The following DOCK6 variants were observed in gnomAD, a reference collection of about 807,000 sequenced individuals.
DOCK6 encodes dedicator of cytokinesis 6.
In DOCK6, 167 loss-of-function variants were observed where a neutral mutation model predicts 230.3. The observed-to-expected ratio is 0.73, with a 90% CI of 0.64 to 0.82. The LOEUF (loss-of-function observed/expected upper bound fraction) is 0.82, where lower values mean the gene tolerates loss of function less well. Ranked by LOEUF, DOCK6 falls within the 40% of genes least tolerant of loss-of-function variation. The pLI, the probability that DOCK6 is intolerant of heterozygous loss-of-function variation, is 0.00. For missense variants in DOCK6, 2,598 were observed against 2,825.8 expected (o/e 0.92, Z 1.83); for synonymous variants, 1,148 against 1,185.0 (o/e 0.97, Z 0.64).
intron 4 of DOCK6, 100 bp downstream of exon 4, chr19:11,252,382 T>C (rs1455735671): frequency 3.8e-6 from 6 of 1,584,480 alleles, no homozygotes; most frequent in Non-Finnish European, 4.3e-6. Flanking sequence ...TGCCTGCTCT[T>C]GCAGGGACAA....
intron 22 of DOCK6, among the ~76,000 whole-genome samples, chr19:11,230,056 A>AG: frequency 6.6e-6 from 1 of 151,118 alleles, no homozygotes; most frequent in East Asian, 2.0e-4. Context: ...AAAAAAAAAA[A>AG]AAAAAAAAAG....
chr19:11,229,422 T>G, intron 22 of DOCK6: 1 of 1,017,998 alleles, frequency 9.8e-7, no homozygotes, highest in Non-Finnish European at 1.2e-6. Flanking sequence ...AGGAGAAGGT[T>G]AGTGTGGATG....
chr19:11,206,711 A>G (rs1423857811), intron 39 of DOCK6, among the ~76,000 whole-genome samples: 1 of 152,180 alleles, frequency 6.6e-6, no homozygotes, highest in East Asian at 1.9e-4. Flanking sequence ...GAGTGCAATG[A>G]AATAAAGGAT....
Position 11,228,988 on chromosome 19 carries a change from G to C in DOCK6, c.2766C>G (p.Ala922=). The C allele has an allele frequency of 6.2e-7, 1 of 1,613,740 alleles. No homozygotes were observed. Among genetic ancestry groups the C allele is most frequent in the Non-Finnish European group, 8.5e-7 (1 of 1,179,836 alleles). The change falls in exon 23 of 48, where the codon GCC becomes GCG. Residue 922 remains alanine, a synonymous_variant. Coordinates refer to ENST00000294618, the MANE Select transcript of DOCK6 (RefSeq NM_020812.4). ...CGTGCTGGAGGATGGCCTCGCGTACGGCACTGCTGCTGACCACCCACTGCA... is the reference window on the plus strand; with the variant it reads ...CGTGCTGGAGGATGGCCTCGCGTACCGCACTGCTGCTGACCACCCACTGCA... ...LALQWVVSSS[A]VREAILQHAW... is the part of the protein sequence containing the mutation.
At chr19:11,223,956 C>A (rs990456030) in intron 24 of DOCK6, among the ~76,000 whole-genome samples, 13 of 151,876 alleles carry the variant, frequency 8.6e-5, no homozygotes, top group Non-Finnish European at 1.9e-4. Context: ...CTCTCAGCAC[C>A]ATTTAATGTG....
intron 41 of DOCK6, 83 bp downstream of exon 41, chr19:11,203,998 G>A: frequency 6.6e-7 from 1 of 1,524,542 alleles, no homozygotes; most frequent in Non-Finnish European, 8.9e-7. Context: ...CTCCTCTGGT[G>A]CCCCCTGGTG....
rs1600837526 is a variant in DOCK6 at position 11,200,534 on chromosome 19, T to C, written c.5940-65A>G. 47 of 1,571,316 alleles carry C rather than the reference T, an allele frequency of 3.0e-5. No homozygotes were observed. In the South Asian group the frequency reaches 5.3e-4, roughly 18 times the overall value. ...ACGGGACTGAAAGCAAGACTAGGGG[T>C]GGGGGCACCCATAAGGCGGGACCAG... On this transcript the variant is annotated intron_variant, in intron 46 of 47. Coordinates refer to ENST00000294618, the MANE Select transcript of DOCK6 (RefSeq NM_020812.4). The surrounding 1 kb of genome is among the most constrained non-coding windows in gnomAD (Gnocchi z 4.3).
Position 11,243,793 on chromosome 19 carries a change from C to T in DOCK6, c.1104+9G>A, listed in dbSNP as rs2079989062. On this transcript the variant is annotated intron_variant, in intron 10 of 47. Transcript: ENST00000294618. The surrounding 1 kb of genome is among the most constrained non-coding windows in gnomAD (Gnocchi z 6.3). ...TCTGTTGCCCCTAGTCCAGCCTCCA[C>T]ACGCTTACCTTGGCTGTGTCCACTT... The T allele has an allele frequency of 1.2e-6, 2 of 1,613,174 alleles. No homozygotes were observed. Among genetic ancestry groups the T allele is most frequent in the East Asian group, 2.2e-5 (1 of 44,888 alleles).
At chr19:11,215,757 A>G in intron 31 of DOCK6, 44 bp downstream of exon 31, 1 of 1,610,812 alleles carries the variant, frequency 6.2e-7, no homozygotes, top group Non-Finnish European at 8.5e-7. Flanking sequence ...ACAAGGTGGG[A>G]GCAGCTGGTG....
intron 21 of DOCK6, 30 bp from the exon 22 acceptor site, chr19:11,233,396 C>G: frequency 6.2e-7 from 1 of 1,602,484 alleles, no homozygotes; most frequent in Non-Finnish European, 8.5e-7. Context: ...GGTCAACCAC[C>G]CACCCACCTG....
At chr19:11,244,554 G>A (rs1422542074) in intron 9 of DOCK6, among the ~76,000 whole-genome samples, 1 of 135,412 alleles carries the variant, frequency 7.4e-6, no homozygotes, top group African/African-American at 2.8e-5. Flanking sequence ...TCTGCCTCCC[G>A]GGTTCAAGCA....
chr19:11,203,868 G>T (rs2147704517), intron 41 of DOCK6: 1 of 625,228 alleles, frequency 1.6e-6, no homozygotes, highest in South Asian at 2.1e-5. Flanking sequence ...CCAGCTGGGT[G>T]AGTCACAAGC....
intron 34 of DOCK6, 99 bp from the exon 35 acceptor site, chr19:11,213,427 T>C: frequency 6.7e-7 from 1 of 1,491,898 alleles, no homozygotes. Flanking sequence ...GGGGTTTGTG[T>C]TCTGTCCTCT....
At position 11,202,635 on chromosome 19, in the gene DOCK6, C is replaced by G. The variant is rs774612108; in HGVS notation, c.5310G>C (p.Val1770=). 4.3e-6 allele frequency: 7 copies of G among 1,614,024 alleles called. No homozygotes were observed. Among genetic ancestry groups the G allele is most frequent in the Non-Finnish European group, 4.2e-6 (5 of 1,179,908 alleles). The change falls in exon 42 of 48, where the codon GTG becomes GTC. Residue 1770 remains valine (V), a synonymous_variant. Coordinates refer to ENST00000294618, the MANE Select transcript of DOCK6 (RefSeq NM_020812.4). This position sits in a 1 kb window ranked among gnomAD's most constrained non-coding sequence, Gnocchi z 5.3. ...GCTTCGTGATCGATGGCTCCTTGTA[C>G]ACAAACTCCTGCTCATCCAGGTCAC... ...HFGDLDEQEF[V]YKEPSITKLA... is the part of the protein sequence containing the mutation.
intron 9 of DOCK6, among the ~76,000 whole-genome samples, chr19:11,244,451 CTTTTTTTTTTTT>C (rs56722117): frequency 2.0e-4 from 8 of 40,258 alleles, no homozygotes; most frequent in East Asian, 1.1e-3. Flanking sequence ...CCACACCTGG[CTTTTTTTTTTTT>C]TTTTTTTTTT....
intron 6 of DOCK6, among the ~76,000 whole-genome samples, chr19:11,250,042 G>A (rs1360248153): frequency 3.4e-5 from 5 of 149,188 alleles, no homozygotes; most frequent in South Asian, 2.1e-4. Flanking sequence ...ACAGAGTCTC[G>A]CTCTGTTGCC....
At position 11,202,781 on chromosome 19, in the gene DOCK6, G is replaced by T; in HGVS notation, c.5236-72C>A. 6.2e-7 allele frequency: 1 copy of T among 1,602,868 alleles called. No homozygotes were observed. The highest frequency in any genetic ancestry group is 1.1e-5 in the South Asian group (1 of 90,542). The stretch of plus-strand genomic sequence containing the variant: ...AGGTCTCCCTGCCCCAGAGATAGGT[G>T]TCTCGAATATCAGGATGGGAGTGTG... On this transcript the variant is annotated intron_variant, in intron 41 of 47. Coordinates refer to ENST00000294618, the MANE Select transcript of DOCK6 (RefSeq NM_020812.4). The surrounding 1 kb of genome is among the most constrained non-coding windows in gnomAD (Gnocchi z 5.3).
chr19:11,210,650 C>T (rs1329736658), intron 37 of DOCK6, among the ~76,000 whole-genome samples: 1 of 149,608 alleles, frequency 6.7e-6, no homozygotes, highest in African/African-American at 2.5e-5. Flanking sequence ...TCTCACCTGT[C>T]CATTCCTTCG....
chr19:11,237,993 T>G, intron 16 of DOCK6, 52 bp downstream of exon 16: 1 of 1,597,166 alleles, frequency 6.3e-7, no homozygotes, highest in South Asian at 1.1e-5. Flanking sequence ...ATAAGGGACA[T>G]CCTCCTACCC....
Sources: gnomAD v4.1 joint callset for allele counts (sites outside exome capture counted in the v4.1 genomes callset) on GRCh38, gnomAD v4.1.1 for gene constraint, Gnocchi (gnomAD v3.1) non-coding constraint, MANE v1.5 for transcripts, NCBI Gene and HGNC (gene_info 2026-07-23, HGNC 2026-07-21) for gene names.